The following ALK variants were observed in gnomAD, a reference collection of about 807,000 sequenced individuals.
ALK encodes the protein ALK tyrosine kinase receptor.
In ALK, 74 loss-of-function variants were observed where a neutral mutation model predicts 163.1. The observed-to-expected ratio is 0.45, with a 90% CI of 0.38 to 0.55. ALK has a LOEUF of 0.55. Ranked by LOEUF, ALK falls within the 20% of genes least tolerant of loss-of-function variation. The pLI is 0.00. For synonymous variants in ALK, 960 were observed against 843.2 expected, an observed-to-expected ratio of 1.14 and a Z score of -2.40; for missense variants, 2,063 against 2,105.3, an observed-to-expected ratio of 0.98 and a Z score of 0.39.
intron 1 of ALK, among the ~76,000 whole-genome samples, chr2:29,857,207 G>A (rs1666163315): frequency 1.3e-5 from 2 of 152,284 alleles, no homozygotes; most frequent in African/African-American, 4.8e-5. Flanking sequence ...AGGTTGATGG[G>A]AAGGAATCTT....
chr2:29,669,092 T>C (rs1327962267), intron 3 of ALK, among the ~76,000 whole-genome samples: 1 of 152,136 alleles, frequency 6.6e-6, no homozygotes, highest in Non-Finnish European at 1.5e-5. Context: ...TGAAATGTTC[T>C]GCAAATATCA....
intron 1 of ALK, among the ~76,000 whole-genome samples, chr2:29,788,290 T>C (rs6547974): frequency 0.93 from 142,289 of 152,242 alleles, 66,828 homozygotes; most frequent in East Asian, 1. Context: ...TACAATGTCA[T>C]GGGAGGCAGG....
intron 3 of ALK, among the ~76,000 whole-genome samples, chr2:29,645,745 A>G (rs1306412288): frequency 6.6e-6 from 1 of 152,174 alleles, no homozygotes; most frequent in East Asian, 1.9e-4. Context: ...GGCCATAGAC[A>G]GCATTCACCC....
intron 1 of ALK, among the ~76,000 whole-genome samples, chr2:29,810,648 T>C (rs1297616701): frequency 1.3e-5 from 2 of 152,142 alleles, no homozygotes; most frequent in East Asian, 3.9e-4. Flanking sequence ...GCAAGTCACT[T>C]GAACTTTCTG....
intron 1 of ALK, among the ~76,000 whole-genome samples, chr2:29,868,590 T>C (rs1424282766): frequency 6.6e-6 from 1 of 152,100 alleles, no homozygotes; most frequent in Non-Finnish European, 1.5e-5. Context: ...CAGTGAGCTA[T>C]ATAGATATCT....
rs575559035 is a variant in ALK at position 29,763,002 on chromosome 2, G to A, written c.668-45305C>T. Among the ~76,000 whole-genome samples the A allele has an allele frequency of 4.0e-5, 6 of 150,960 alleles. No homozygotes were observed. The East Asian group carries it at 7.8e-4, about 20-fold the overall frequency. ...CTCAGGAGGCTGAGGCAGGAGAATCGCTTGAACCAGGGAGGCGGAGGTTGC... is the reference window on the plus strand; with the variant it reads ...CTCAGGAGGCTGAGGCAGGAGAATCACTTGAACCAGGGAGGCGGAGGTTGC... On this transcript the variant is annotated intron_variant, in intron 1 of 28. Transcript: ENST00000389048.
intron 1 of ALK, among the ~76,000 whole-genome samples, chr2:29,902,540 A>G (rs1311629618): frequency 1.3e-5 from 2 of 152,178 alleles, no homozygotes; most frequent in Non-Finnish European, 2.9e-5. Flanking sequence ...TGCTGCAAGA[A>G]AGTCAAACAC....
intron 4 of ALK, among the ~76,000 whole-genome samples, chr2:29,407,775 T>C (rs924395673): frequency 1.9e-4 from 29 of 152,230 alleles, no homozygotes; most frequent in Non-Finnish European, 5.9e-5. Context: ...GGCTATGCCC[T>C]CTTCCTATGG....
intron 1 of ALK, among the ~76,000 whole-genome samples, chr2:29,874,646 G>A (rs1339448104): frequency 6.6e-6 from 1 of 152,182 alleles, no homozygotes; most frequent in African/African-American, 2.4e-5. Flanking sequence ...GCAAGCATGA[G>A]ACAAGTTTGC....
intron 8 of ALK, among the ~76,000 whole-genome samples, chr2:29,312,233 A>C (rs1344715236): frequency 6.6e-6 from 1 of 152,188 alleles, no homozygotes; most frequent in Admixed American, 6.5e-5. Context: ...GCTACAACAG[A>C]GTAGCAGAAA....
At chr2:29,243,093 T>C (rs1664565844) in intron 12 of ALK, among the ~76,000 whole-genome samples, 1 of 152,192 alleles carries the variant, frequency 6.6e-6, no homozygotes, top group African/African-American at 2.4e-5. Flanking sequence ...AGGAGTGGGA[T>C]GTGCCACAGG....
intron 1 of ALK, among the ~76,000 whole-genome samples, chr2:29,811,605 C>T (rs1664762518): frequency 6.6e-6 from 1 of 152,144 alleles, no homozygotes; most frequent in African/African-American, 2.4e-5. Flanking sequence ...TCCCGTGCTC[C>T]TAACACAAAC....
At chr2:29,413,214 T>G (rs181132437) in intron 4 of ALK, among the ~76,000 whole-genome samples, 27 of 152,332 alleles carry the variant, frequency 1.8e-4, no homozygotes, top group African/African-American at 6.5e-4. Context: ...TCAAGAGACA[T>G]GGTAAACACA....
At chr2:29,743,728 T>A (rs1680126156) in intron 1 of ALK, among the ~76,000 whole-genome samples, 1 of 152,206 alleles carries the variant, frequency 6.6e-6, no homozygotes, top group South Asian at 2.1e-4. Context: ...CTTAAAACTC[T>A]GTTAGCCTGA....
chr2:29,561,763 TTC>T (rs1674029391), intron 3 of ALK, among the ~76,000 whole-genome samples: 1 of 152,152 alleles, frequency 6.6e-6, no homozygotes, highest in African/African-American at 2.4e-5. Flanking sequence ...TGTTATCACA[TTC>T]TCTTTTTGTC....
At chr2:29,216,922 TGGTGTGTGGGG>T (rs1186424589) in intron 23 of ALK, among the ~76,000 whole-genome samples, 23 of 56,924 alleles carry the variant, frequency 4.0e-4, no homozygotes, top group Non-Finnish European at 9.6e-4. Flanking sequence ...TATGTCTTTA[TGGTGTGTGGGG>T]GGTGTGTGTG....
chr2:29,470,152 T>C (rs947555897), intron 4 of ALK, among the ~76,000 whole-genome samples: 9 of 151,914 alleles, frequency 5.9e-5, no homozygotes, highest in African/African-American at 1.9e-4. Context: ...AAAATTAGGA[T>C]ACTGGAAGAG....
chr2:29,903,063 C>A (rs924229646), intron 1 of ALK, among the ~76,000 whole-genome samples: 3 of 152,118 alleles, frequency 2.0e-5, no homozygotes, highest in African/African-American at 7.2e-5. Flanking sequence ...CTTGAATCCC[C>A]AAATGCTGAC....
chr2:29,498,611 G>T (rs979404838), intron 4 of ALK, among the ~76,000 whole-genome samples: 1 of 152,164 alleles, frequency 6.6e-6, no homozygotes, highest in Non-Finnish European at 1.5e-5. Flanking sequence ...GGCCCCAATG[G>T]AGCGGGGCTC....
Sources: gnomAD v4.1 joint callset for allele counts (sites outside exome capture counted in the v4.1 genomes callset) on GRCh38, gnomAD v4.1.1 for gene constraint, MANE v1.5 for transcripts, NCBI Gene and HGNC (gene_info 2026-07-23, HGNC 2026-07-21) for gene names.